Variants in ATP11C observed in about 807,000 individuals in gnomAD.
The protein encoded by ATP11C is phospholipid-transporting ATPase IG.
ATP11C carries 36 observed loss-of-function variants against 97.4 expected under a neutral mutation model. The ratio of observed to expected loss-of-function variants is 0.37; its 90% CI spans 0.28 to 0.49. The LOEUF is 0.49. ATP11C is among the 20% of genes least tolerant of loss of function. ATP11C has a pLI of 0.98. For synonymous variants in ATP11C, 275 were observed against 290.9 expected (o/e 0.95, Z 0.56); for missense variants, 730 against 824.6 (o/e 0.89, Z 1.40).
At chrX:139,745,921 T>C in intron 24 of ATP11C, 64 bp from the exon 25 acceptor site, 3 of 1,115,159 alleles carry the variant, frequency 2.7e-6, no homozygotes, top group Non-Finnish European at 3.6e-6. Context: ...CAGTGAAATG[T>C]CAAAGGTGGG....
intron 7 of ATP11C, among the ~76,000 whole-genome samples, chrX:139,801,122 C>T (rs1313761715): frequency 8.9e-6 from 1 of 112,407 alleles, no homozygotes. Context: ...CTATCATTCT[C>T]CTTCATACTT....
chrX:139,840,924 G>A (rs1262983274), intron 1 of ATP11C, among the ~76,000 whole-genome samples: 5 of 110,480 alleles, frequency 4.5e-5, no homozygotes, highest in African/African-American at 1.6e-4. Flanking sequence ...TATACTGCTC[G>A]GGTGATGGGT....
intron 1 of ATP11C, among the ~76,000 whole-genome samples, chrX:139,859,328 A>G (rs1437251625): frequency 8.9e-6 from 1 of 111,958 alleles, no homozygotes; most frequent in Non-Finnish European, 1.9e-5. Flanking sequence ...CAAATAGCCA[A>G]GAGAAAATGT....
chrX:139,812,429 G>C (rs1028503167), intron 5 of ATP11C, among the ~76,000 whole-genome samples: 6 of 111,283 alleles, frequency 5.4e-5, no homozygotes, highest in African/African-American at 2.0e-4. Flanking sequence ...GGAAATGAAA[G>C]AAAGGGAGAG....
chrX:139,902,891 A>G (rs2084919730), intron 1 of ATP11C, among the ~76,000 whole-genome samples: 1 of 112,163 alleles, frequency 8.9e-6, no homozygotes, highest in African/African-American at 3.2e-5. Flanking sequence ...ACTAGCTGAA[A>G]TTAAAGAAAT....
chrX:139,864,013 G>A (rs2485718), intron 1 of ATP11C, among the ~76,000 whole-genome samples: 7,092 of 110,639 alleles, frequency 0.064, 559 homozygotes, highest in African/African-American at 0.22. Flanking sequence ...GCAGTGAGCC[G>A]AGATCAAGCC....
intron 13 of ATP11C, 92 bp from the exon 14 acceptor site, chrX:139,788,435 A>C (rs1017514263): frequency 4.8e-6 from 4 of 841,894 alleles, no homozygotes; most frequent in Non-Finnish European, 6.9e-6. Flanking sequence ...AATGTGAGAG[A>C]ATGTTGTAAC....
intron 2 of ATP11C, among the ~76,000 whole-genome samples, chrX:139,822,762 G>A (rs1006003205): frequency 9.3e-6 from 1 of 107,193 alleles, no homozygotes; most frequent in Non-Finnish European, 1.9e-5. Context: ...AACCATCTCC[G>A]AGGCTGGTCT....
At chrX:139,879,717 T>TA (rs1301122399) in intron 1 of ATP11C, among the ~76,000 whole-genome samples, 1 of 112,221 alleles carries the variant, frequency 8.9e-6, no homozygotes, top group Admixed American at 9.5e-5. Context: ...TTAAATATTT[T>TA]AAAATAATTT....
At chrX:139,761,614 G>A (rs2082039901) in intron 22 of ATP11C, among the ~76,000 whole-genome samples, 1 of 111,709 alleles carries the variant, frequency 9.0e-6, no homozygotes, top group South Asian at 3.7e-4. Context: ...ACAGGAATGA[G>A]CCACTACCAA....
intron 12 of ATP11C, among the ~76,000 whole-genome samples, chrX:139,791,788 T>C (rs2082695298): frequency 9.0e-6 from 1 of 111,462 alleles, no homozygotes; most frequent in East Asian, 2.8e-4. Context: ...GGGAGGCTGC[T>C]GCTTTACTCT....
chrX:139,930,659 G>A (rs1430095749), intron 1 of ATP11C, among the ~76,000 whole-genome samples: 1 of 111,900 alleles, frequency 8.9e-6, no homozygotes, highest in Admixed American at 9.5e-5. Flanking sequence ...CATCACCTAC[G>A]GATTTCAAGA....
At chrX:139,826,984 T>C (rs1422883748) in intron 1 of ATP11C, among the ~76,000 whole-genome samples, 161 bp from the exon 2 acceptor site, 1 of 112,363 alleles carries the variant, frequency 8.9e-6, no homozygotes, top group Non-Finnish European at 1.9e-5. Flanking sequence ...CATTAAGCTC[T>C]TACTTGCTGA....
chrX:139,844,431 G>T (rs970751876), intron 1 of ATP11C, among the ~76,000 whole-genome samples: 2 of 110,844 alleles, frequency 1.8e-5, no homozygotes, highest in Non-Finnish European at 3.8e-5. Context: ...TACCTGCAAT[G>T]CAGGAAAGGC....
rs192056329 is a variant in ATP11C at position 139,730,616 on chromosome X, G to T, written c.*3+1035C>A. ...AGAGTTGACAGCTGTTGAAAAAAATGGGCCTATAAGGTGGACTCGCAATTA... is the reference window on the plus strand; with the variant it reads ...AGAGTTGACAGCTGTTGAAAAAAATTGGCCTATAAGGTGGACTCGCAATTA... On this transcript the variant is annotated intron_variant, in intron 29 of 29. Transcript: ENST00000682941. Among the ~76,000 whole-genome samples the T allele has an allele frequency of 4.0e-3, 449 of 110,912 alleles. 1 individual carries two copies. Among genetic ancestry groups the T allele is most frequent in the African/African-American group, 0.014 (425 of 30,583 alleles).
rs146934270 is a variant in ATP11C at position 139,761,452 on chromosome X, A to G, written c.2640+509T>C. Among the ~76,000 whole-genome samples the G allele has an allele frequency of 5.8e-3, 645 of 111,694 alleles. 10 individuals carry two copies. Among genetic ancestry groups the G allele is most frequent in the African/African-American group, 0.019 (594 of 30,765 alleles). ...GTTACCACTGGTTCTCTTGGTTGACATGCTTATAGACAATTAGAAATGACT... is the reference window on the plus strand; with the variant it reads ...GTTACCACTGGTTCTCTTGGTTGACGTGCTTATAGACAATTAGAAATGACT... On this transcript the variant is annotated intron_variant, in intron 22 of 29. Coordinates refer to ENST00000682941, the MANE Select transcript of ATP11C (RefSeq NM_001353812.2).
chrX:139,920,082 G>A (rs1569492715), intron 1 of ATP11C, among the ~76,000 whole-genome samples: 2 of 110,364 alleles, frequency 1.8e-5, no homozygotes, highest in African/African-American at 3.3e-5. Context: ...GAATGAGTCC[G>A]GGCGCGGTGG....
chrX:139,843,912 G>GAAA (rs199615238), intron 1 of ATP11C, among the ~76,000 whole-genome samples: 1 of 76,877 alleles, frequency 1.3e-5, no homozygotes, highest in African/African-American at 4.4e-5. Flanking sequence ...TTCTGACAAA[G>GAAA]AAAAAAAAAA....
intron 24 of ATP11C, among the ~76,000 whole-genome samples, chrX:139,748,141 T>C (rs753965499): frequency 1.8e-5 from 2 of 111,980 alleles, no homozygotes; most frequent in Admixed American, 9.4e-5. Flanking sequence ...ATAAGATTAA[T>C]AGCTATCATT....
Sources: allele counts gnomAD v4.1 joint callset (sites outside exome capture counted in the v4.1 genomes callset), GRCh38; gene constraint gnomAD v4.1.1; transcripts MANE v1.5; gene names NCBI Gene and HGNC (gene_info 2026-07-23, HGNC 2026-07-21).